CARF: variants seen among roughly 807,000 people sequenced by gnomAD.
CARF encodes calcium responsive transcription factor.
In CARF, 57 loss-of-function variants were observed where a neutral mutation model predicts 82.0. The observed-to-expected ratio is 0.70, with a 90% CI of 0.56 to 0.87. CARF has a LOEUF of 0.87. CARF is among the 40% of genes least tolerant of loss of function. The pLI is 0.00. For missense variants in CARF, 771 were observed against 855.8 expected, an observed-to-expected ratio of 0.90 and a Z score of 1.24; for synonymous variants, 268 against 290.1, an observed-to-expected ratio of 0.92 and a Z score of 0.77.
chr2:202,928,926 C>T (rs1255889611), intron 3 of CARF, among the ~76,000 whole-genome samples: 2 of 152,110 alleles, frequency 1.3e-5, no homozygotes, highest in Non-Finnish European at 1.5e-5. Flanking sequence ...GACAGGGTTT[C>T]ACCATGTTGT....
chr2:202,977,176 A>G, intron 13 of CARF, 93 bp from the exon 14 acceptor site: 1 of 896,188 alleles, frequency 1.1e-6, no homozygotes. Flanking sequence ...TAAATCACAT[A>G]CTGTGAATAA....
chr2:202,941,626 T>C (rs192315879), intron 3 of CARF, among the ~76,000 whole-genome samples: 11 of 152,228 alleles, frequency 7.2e-5, no homozygotes, highest in East Asian at 5.8e-4. Flanking sequence ...AGAAGTGTAG[T>C]TAAAGATAGG....
chr2:202,915,847 A>G (rs1689534543), intron 1 of CARF, among the ~76,000 whole-genome samples: 1 of 151,412 alleles, frequency 6.6e-6, no homozygotes, highest in Non-Finnish European at 1.5e-5. Context: ...TGACCTCAAG[A>G]TCCGCCCACT....
At chr2:202,958,039 C>T (rs2059131815) in intron 8 of CARF, among the ~76,000 whole-genome samples, 1 of 152,018 alleles carries the variant, frequency 6.6e-6, no homozygotes, top group Non-Finnish European at 1.5e-5. Flanking sequence ...CATGCCTACT[C>T]TATATACAAA....
intron 3 of CARF, among the ~76,000 whole-genome samples, chr2:202,927,326 T>C (rs183901502): frequency 0.047 from 5,952 of 127,116 alleles, 377 homozygotes; most frequent in African/African-American, 0.14. Context: ...ATTCAGTCTT[T>C]TTTTTTTCCA....
At position 202,986,885 on chromosome 2, in the gene CARF, T is replaced by TATATACATATATATATATATATAC. The variant is rs1431544786; in HGVS notation, c.*3266_*3267insCATATATATATATATATACATATA. On this transcript the variant is annotated 3_prime_UTR_variant, in exon 17 of 17. Coordinates refer to ENST00000438828, the MANE Select transcript of CARF (RefSeq NM_024744.17). The stretch of plus-strand genomic sequence containing the variant: ...GTCTGTGCGTATATATATATATATA[T>TATATACATATATATATATATATAC]ATATATATATATATATATATATAGC... 7 of 94,354 alleles carry TATATACATATATATATATATATAC rather than the reference T, an allele frequency of 7.4e-5. 1 individual carries two copies. The highest frequency in any genetic ancestry group is 1.1e-4 in the Admixed American group (1 of 9,012). The allele number at this position is 94,354 out of a possible 1,614,324, so 5.8% of individuals were successfully genotyped here.
At chr2:202,969,254 G>A (rs981063466) in intron 10 of CARF, among the ~76,000 whole-genome samples, 5 of 151,990 alleles carry the variant, frequency 3.3e-5, no homozygotes, top group Non-Finnish European at 5.9e-5. Flanking sequence ...ATGAAAGATT[G>A]GAGGCACAGG....
At chr2:202,917,828 C>A in intron 1 of CARF, 49 bp from the exon 2 acceptor site, 1 of 214,234 alleles carries the variant, frequency 4.7e-6, no homozygotes. Flanking sequence ...TAATAATTAT[C>A]TTTATGTGTA....
intron 1 of CARF, among the ~76,000 whole-genome samples, chr2:202,917,142 C>T (rs1180768284): frequency 1.7e-5 from 2 of 120,252 alleles, no homozygotes; most frequent in South Asian, 2.9e-4. Context: ...ACCCGGGAGG[C>T]GGAGCTTGCA....
chr2:202,934,632 G>A (rs113212267), intron 3 of CARF: 11,751 of 152,116 alleles, frequency 0.077, 605 homozygotes, highest in Middle Eastern at 0.12. Flanking sequence ...AATTTTTTGT[G>A]TGTGTAGAGA....
At chr2:202,917,171 A>G (rs1689853907) in intron 1 of CARF, among the ~76,000 whole-genome samples, 1 of 121,032 alleles carries the variant, frequency 8.3e-6, no homozygotes, top group African/African-American at 3.1e-5. Flanking sequence ...AGATCCCGCC[A>G]CTGCACTCCA....
intron 10 of CARF, among the ~76,000 whole-genome samples, chr2:202,967,462 C>CATAG (rs1357062135): frequency 1.3e-5 from 2 of 152,090 alleles, no homozygotes; most frequent in African/African-American, 2.4e-5. Context: ...AATCTGAATG[C>CATAG]CTATTGTGGT....
chr2:202,973,604 C>A, intron 12 of CARF: 1 of 321,588 alleles, frequency 3.1e-6, no homozygotes, highest in Non-Finnish European at 6.0e-6. Flanking sequence ...TGATTTTGGG[C>A]AAATTATTTC....
Position 202,988,199 on chromosome 2 carries a change from TTGA to T in CARF, c.*4581_*4583del, listed in dbSNP as rs1257173519. Among the ~76,000 whole-genome samples, 2 of 152,228 alleles carry T rather than the reference TTGA, an allele frequency of 1.3e-5. No individual in the cohort carries two copies. The highest frequency in any genetic ancestry group is 1.3e-4 in the Admixed American group (2 of 15,278). The stretch of plus-strand genomic sequence containing the variant: ...TGAATATATCAATTTGTTTATTCTT[TTGA>T]TGATGGACATTAATAGTTCTAGGCT... On this transcript the variant is annotated 3_prime_UTR_variant, in exon 17 of 17. Coordinates refer to ENST00000438828, the MANE Select transcript of CARF (RefSeq NM_024744.17).
Position 202,942,851 on chromosome 2 carries a change from C to T in CARF, c.190C>T (p.Pro64Ser), listed in dbSNP as rs2058296758. 2 of 1,613,984 alleles carry T rather than the reference C, an allele frequency of 1.2e-6. No homozygotes were observed. The highest frequency in any genetic ancestry group is 2.2e-5 in the South Asian group (2 of 91,062). Residue 64 changes from proline to serine, a missense_variant, in exon 5 of 17, where the codon CCA (proline) becomes TCA (serine). By Grantham distance (74) the Pro-to-Ser change is moderately conservative (BLOSUM62 -1). Coordinates refer to ENST00000438828, the MANE Select transcript of CARF (RefSeq NM_024744.17). Reference protein sequence around the residue: ...ANNSLISQNIPGPLTQTQTLS... With the variant: ...ANNSLISQNISGPLTQTQTLS... Reference sequence around the variant, plus strand: ...TAATTCACTCATATCACAGAATATACCAGGGCCCCTGACTCAGACACAGAC... The same window carrying T: ...TAATTCACTCATATCACAGAATATATCAGGGCCCCTGACTCAGACACAGAC...
At chr2:202,916,166 A>T (rs926311181) in intron 1 of CARF, among the ~76,000 whole-genome samples, 1 of 11,882 alleles carries the variant, frequency 8.4e-5, no homozygotes, top group African/African-American at 1.2e-4. Flanking sequence ...GCAATATTTT[A>T]TTTATTTATT....
Position 202,942,889 on chromosome 2 carries a change from G to C in CARF, c.228G>C (p.Glu76Asp), listed in dbSNP as rs758328312. The change falls in exon 5 of 17, where the codon GAG becomes GAC. Residue 76 changes from glutamate (E) to aspartate (D), a missense_variant. Coordinates refer to ENST00000438828, the MANE Select transcript of CARF (RefSeq NM_024744.17). ...PLTQTQTLSA[E>D]QFHLVDQNGQ... Reference sequence around the variant, plus strand: ...CTCAGACACAGACTCTTTCTGCAGAGCAATTCCATCTAGTGGACCAAAATG... The same window carrying C: ...CTCAGACACAGACTCTTTCTGCAGACCAATTCCATCTAGTGGACCAAAATG... 6.2e-7 allele frequency: 1 copy of C among 1,614,086 alleles called. No homozygotes were observed. Among genetic ancestry groups the C allele is most frequent in the South Asian group, 1.1e-5 (1 of 91,074 alleles).
At chr2:202,945,431 C>G (rs957046266) in intron 5 of CARF, among the ~76,000 whole-genome samples, 2 of 152,050 alleles carry the variant, frequency 1.3e-5, no homozygotes, top group African/African-American at 4.8e-5. Context: ...GGCCTAGTAC[C>G]CAATAGTTAT....
chr2:202,927,822 AG>A (rs1239864326), intron 3 of CARF, among the ~76,000 whole-genome samples: 1 of 147,824 alleles, frequency 6.8e-6, no homozygotes, highest in African/African-American at 2.5e-5. Flanking sequence ...TTTTTGAGAC[AG>A]GGTCTCACTC....
Sources: allele counts gnomAD v4.1 joint callset (sites outside exome capture counted in the v4.1 genomes callset), GRCh38; gene constraint gnomAD v4.1.1; transcripts MANE v1.5; gene names NCBI Gene and HGNC (gene_info 2026-07-23, HGNC 2026-07-21).